The following NTNG2 variants were observed in gnomAD, a reference collection of about 807,000 sequenced individuals.
The protein encoded by NTNG2 is netrin G2, also known as netrin-G2.
In NTNG2, 15 loss-of-function variants were observed where a neutral mutation model predicts 47.6. The ratio of observed to expected loss-of-function variants is 0.32; its 90% CI spans 0.21 to 0.49. The LOEUF (loss-of-function observed/expected upper bound fraction) is 0.49. NTNG2 is among the 20% of genes least tolerant of loss of function. The pLI, the probability that NTNG2 is intolerant of heterozygous loss-of-function variation, is 0.99. For missense variants in NTNG2, 578 were observed against 764.6 expected, an observed-to-expected ratio of 0.76 and a Z score of 2.88; for synonymous variants, 307 against 324.6, an observed-to-expected ratio of 0.95 and a Z score of 0.58.
At chr9:132,238,975 T>C (rs1337640285) in intron 5 of NTNG2, 129 bp from the exon 6 acceptor site, 1 of 948,208 alleles carries the variant, frequency 1.1e-6, no homozygotes, top group Non-Finnish European at 1.7e-6. Context: ...TAGGGCACCT[T>C]CCGGTACCTT....
chr9:132,237,926 G>C (rs1841743591), intron 5 of NTNG2, among the ~76,000 whole-genome samples: 1 of 152,192 alleles, frequency 6.6e-6, no homozygotes, highest in South Asian at 2.1e-4. Context: ...AAAGTGAAGG[G>C]GGCAGGACTA....
intron 2 of NTNG2, among the ~76,000 whole-genome samples, chr9:132,176,063 GT>G (rs1279485606): frequency 6.6e-6 from 1 of 152,036 alleles, no homozygotes; most frequent in Non-Finnish European, 1.5e-5. Context: ...GTTAAACAAC[GT>G]TTTGGTGGGT....
At position 132,209,477 on chromosome 9, in the gene NTNG2, G is replaced by A. The variant is rs541791368; in HGVS notation, c.857+10868G>A. 2.0e-5 allele frequency among the ~76,000 whole-genome samples: 3 copies of A among 152,336 alleles called. No homozygotes were observed. The South Asian group carries it at 6.2e-4, about 32-fold the overall frequency. On this transcript the variant is annotated intron_variant, in intron 3 of 7. Coordinates refer to ENST00000393229, the MANE Select transcript of NTNG2 (RefSeq NM_032536.4). ...GAGCCGGGGAGCCGGGCGGGCTGCA[G>A]CCCTGAGATCAGAGACAGGGGGAAT...
intron 3 of NTNG2, among the ~76,000 whole-genome samples, chr9:132,204,923 A>G (rs1839056899): frequency 6.6e-6 from 1 of 152,190 alleles, no homozygotes; most frequent in South Asian, 2.1e-4. Flanking sequence ...TGAAAACAAA[A>G]TAGATGGAGG....
In NTNG2 at chr9:132,172,803, C is replaced by T. The variant is rs1301550969; in HGVS notation, c.213+5759C>T. On this transcript the variant is annotated intron_variant, in intron 2 of 7. Transcript: ENST00000393229. Reference sequence around the variant, plus strand: ...GGAGTGCAGCGGCGCAATCTCGGCTCGCTGCAAGCTCTGCCTCCTGGGTTC... The same window carrying T: ...GGAGTGCAGCGGCGCAATCTCGGCTTGCTGCAAGCTCTGCCTCCTGGGTTC... Among the ~76,000 whole-genome samples, 3 of 146,684 alleles carry T rather than the reference C, an allele frequency of 2.0e-5. No homozygotes were observed. The East Asian group carries it at 6.0e-4, about 29-fold the overall frequency.
At chr9:132,217,854 G>C (rs960728397) in intron 3 of NTNG2, among the ~76,000 whole-genome samples, 1 of 152,202 alleles carries the variant, frequency 6.6e-6, no homozygotes, top group Non-Finnish European at 1.5e-5. Flanking sequence ...AGGGGATGGG[G>C]TTACCATCTC....
At chr9:132,217,145 A>G (rs918274143) in intron 3 of NTNG2, among the ~76,000 whole-genome samples, 4 of 152,208 alleles carry the variant, frequency 2.6e-5, no homozygotes, top group African/African-American at 9.7e-5. Flanking sequence ...TCTCACCTGT[A>G]AAGTGGGAAG....
intron 2 of NTNG2, among the ~76,000 whole-genome samples, chr9:132,178,675 C>G (rs894454149): frequency 2.0e-5 from 3 of 151,456 alleles, no homozygotes; most frequent in Non-Finnish European, 2.9e-5. Flanking sequence ...TGTGGTGGCT[C>G]ACACCTGTAA....
At chr9:132,192,540 G>A (rs940358229) in intron 2 of NTNG2, among the ~76,000 whole-genome samples, 1 of 152,200 alleles carries the variant, frequency 6.6e-6, no homozygotes, top group Non-Finnish European at 1.5e-5. Context: ...GCAGTGAGCC[G>A]AGATTGTGCC....
Position 132,231,495 on chromosome 9 carries a change from C to T in NTNG2, c.1054+900C>T. The T allele has an allele frequency of 2.8e-6, 1 of 358,914 alleles. No homozygotes were observed. Among genetic ancestry groups the T allele is most frequent in the South Asian group, 2.0e-5 (1 of 48,828 alleles). 22.2% of individuals were successfully genotyped at this position (358,914 alleles called of 1,614,324 possible). Reference sequence around the variant, plus strand: ...CCTCCCGGACCCAGGGGGCCCCTGGCTGGGAAGCCAGTGAGCCGAGAGGGC... The same window carrying T: ...CCTCCCGGACCCAGGGGGCCCCTGGTTGGGAAGCCAGTGAGCCGAGAGGGC... On this transcript the variant is annotated intron_variant, in intron 5 of 7. Coordinates refer to ENST00000393229, the MANE Select transcript of NTNG2 (RefSeq NM_032536.4). The surrounding 1 kb of genome is among the most constrained non-coding windows in gnomAD (Gnocchi z 4.1).
intron 3 of NTNG2, among the ~76,000 whole-genome samples, chr9:132,209,689 G>A (rs1316378332): frequency 2.6e-5 from 4 of 152,178 alleles, no homozygotes; most frequent in Non-Finnish European, 5.9e-5. Context: ...GTCGTGGGGT[G>A]GTTTCAGGGG....
chr9:132,237,055 A>T (rs962118863), intron 5 of NTNG2, among the ~76,000 whole-genome samples: 1 of 152,162 alleles, frequency 6.6e-6, no homozygotes, highest in African/African-American at 2.4e-5. Flanking sequence ...ATCTATCTAA[A>T]AACAGTTTGG....
chr9:132,171,939 GCA>G (rs1340845878), intron 2 of NTNG2, among the ~76,000 whole-genome samples: 1 of 152,204 alleles, frequency 6.6e-6, no homozygotes, highest in Non-Finnish European at 1.5e-5. Flanking sequence ...CTCATGCCAG[GCA>G]CAGTTGTGAT....
At chr9:132,174,126 G>A (rs1301133152) in intron 2 of NTNG2, among the ~76,000 whole-genome samples, 1 of 139,692 alleles carries the variant, frequency 7.2e-6, no homozygotes, top group African/African-American at 2.8e-5. Flanking sequence ...ATGGACAGAC[G>A]GACAGATAGG....
At position 132,230,762 on chromosome 9, in the gene NTNG2, C is replaced by T. The variant is rs370990712; in HGVS notation, c.1054+167C>T. ...CCCATCTGCTTCTCCACCTCTCCCC[C>T]CTCCACCTCCCCCCCTCCACCCATC... On this transcript the variant is annotated intron_variant, in intron 5 of 7. Transcript: ENST00000393229. Among the ~76,000 whole-genome samples the T allele has an allele frequency of 2.0e-4, 30 of 150,184 alleles. No homozygotes were observed. The South Asian group carries it at 6.2e-3, about 31-fold the overall frequency.
chr9:132,170,556 G>A (rs1030675476), intron 2 of NTNG2, among the ~76,000 whole-genome samples: 8 of 152,224 alleles, frequency 5.3e-5, no homozygotes, highest in East Asian at 1.9e-4. Context: ...TGGGGAGGGC[G>A]TGACTGGCAT....
At position 132,242,534 on chromosome 9, in the gene NTNG2, C is replaced by G. The variant is rs1051910506; in HGVS notation, c.*423C>G. 6.6e-6 allele frequency: 1 copy of G among 152,272 alleles called. No homozygotes were observed. Among genetic ancestry groups the G allele is most frequent in the Non-Finnish European group, 1.5e-5 (1 of 68,128 alleles). The allele number at this position is 152,272 out of a possible 1,614,324, so 9.4% of individuals were successfully genotyped here. A position where few individuals can be genotyped will look rare whatever the true frequency, so the allele number is the denominator to read the frequency against. On this transcript the variant is annotated 3_prime_UTR_variant, in exon 8 of 8. Coordinates refer to ENST00000393229, the MANE Select transcript of NTNG2 (RefSeq NM_032536.4). The surrounding 1 kb of genome is among the most constrained non-coding windows in gnomAD (Gnocchi z 5.9). ...CCTGTGCCAGGCTCACGGGCGGCGGCGGACCCCGACCTCCAGTTGCCTACA... is the reference window on the plus strand; with the variant it reads ...CCTGTGCCAGGCTCACGGGCGGCGGGGGACCCCGACCTCCAGTTGCCTACA...
At chr9:132,191,974 A>C (rs921996996) in intron 2 of NTNG2, among the ~76,000 whole-genome samples, 1 of 152,232 alleles carries the variant, frequency 6.6e-6, no homozygotes, top group Non-Finnish European at 1.5e-5. Context: ...AGAGGCAGCT[A>C]CTACTTCTGA....
In NTNG2 at chr9:132,197,880, C is replaced by A; in HGVS notation, c.214-86C>A. 7.5e-7 allele frequency: 1 copy of A among 1,342,180 alleles called. No individual in the cohort carries two copies. The highest frequency in any genetic ancestry group is 1.0e-6 in the Non-Finnish European group (1 of 989,298). 83.1% of individuals were successfully genotyped at this position (1,342,180 alleles called of 1,614,324 possible). On this transcript the variant is annotated intron_variant, in intron 2 of 7. Coordinates refer to ENST00000393229, the MANE Select transcript of NTNG2 (RefSeq NM_032536.4). This position sits in a 1 kb window ranked among gnomAD's most constrained non-coding sequence, Gnocchi z 4.3. The stretch of plus-strand genomic sequence containing the variant: ...GCCACAGAGCAGGTTTCTCGGTTCG[C>A]AGGCAGGGGCTAGGCCGCGCAGAGG...
Sources: allele counts gnomAD v4.1 joint callset (sites outside exome capture counted in the v4.1 genomes callset), GRCh38; gene constraint gnomAD v4.1.1; non-coding constraint Gnocchi (gnomAD v3.1); transcripts MANE v1.5; gene names NCBI Gene and HGNC (gene_info 2026-07-23, HGNC 2026-07-21).